PRKN: variants seen among roughly 807,000 people sequenced by gnomAD.
The protein encoded by PRKN is E3 ubiquitin-protein ligase parkin.
PRKN carries 56 observed loss-of-function variants against 59.5 expected under a neutral mutation model. The observed-to-expected ratio is 0.94, with a 90% CI of 0.76 to 1.18. PRKN has a LOEUF of 1.18. Ranked by LOEUF, PRKN falls within the 50% of genes most tolerant of loss-of-function variation. The pLI, the probability that PRKN is intolerant of heterozygous loss-of-function variation, is 0.00. For synonymous variants in PRKN, 250 were observed against 222.1 expected (o/e 1.13, Z -1.12); for missense variants, 657 against 596.4 (o/e 1.10, Z -1.06).
At chr6:162,716,786 G>GCGCACA (rs1554264971) in intron 1 of PRKN, among the ~76,000 whole-genome samples, 44 of 148,824 alleles carry the variant, frequency 3.0e-4, no homozygotes, top group South Asian at 4.3e-4. Flanking sequence ...ACACACACGC[G>GCGCACA]CACACACACA....
intron 4 of PRKN, among the ~76,000 whole-genome samples, chr6:162,089,942 T>C (rs6908394): frequency 0.35 from 53,578 of 152,062 alleles, 9,790 homozygotes; most frequent in Admixed American, 0.44. Flanking sequence ...CTTTTGGGAA[T>C]TATGGCAGTG....
At chr6:162,605,360 G>A (rs535814106) in intron 1 of PRKN, among the ~76,000 whole-genome samples, 124 of 152,108 alleles carry the variant, frequency 8.2e-4, no homozygotes, top group African/African-American at 2.6e-3. Context: ...AATGTTACTT[G>A]CCTAAGAGTT....
chr6:162,661,292 T>C (rs920946525), intron 1 of PRKN, among the ~76,000 whole-genome samples: 11 of 152,032 alleles, frequency 7.2e-5, no homozygotes, highest in African/African-American at 1.7e-4. Context: ...CAGGGAGCAA[T>C]TGGCCACCAC....
At chr6:161,716,644 T>G (rs1472368687) in intron 7 of PRKN, among the ~76,000 whole-genome samples, 3 of 152,186 alleles carry the variant, frequency 2.0e-5, no homozygotes, top group Non-Finnish European at 4.4e-5. Flanking sequence ...GCTATGTACT[T>G]AAGATATTTT....
chr6:161,858,686 G>A (rs1376991511), intron 6 of PRKN, among the ~76,000 whole-genome samples: 12 of 151,710 alleles, frequency 7.9e-5, no homozygotes, highest in African/African-American at 9.7e-5. Flanking sequence ...TCCCGTTGGC[G>A]GTGAGAATCC....
At chr6:161,885,431 G>A (rs5023205) in intron 6 of PRKN, among the ~76,000 whole-genome samples, 57,170 of 151,946 alleles carry the variant, frequency 0.38, 11,004 homozygotes, top group East Asian at 0.55. Context: ...TTGGGAGGCC[G>A]AGGCGGGCAG....
Position 162,333,253 on chromosome 6 carries a change from G to C in PRKN, c.172-70488C>G, listed in dbSNP as rs185862402. Among the ~76,000 whole-genome samples, 563 of 149,326 alleles carry C rather than the reference G, an allele frequency of 3.8e-3. 7 individuals are homozygous for C. The highest frequency in any genetic ancestry group is 0.013 in the African/African-American group (533 of 40,536). Reference sequence around the variant, plus strand: ...CTTTTTTTTTTTTTTTTTGAAACAGGGTCTCACTGTCCCTCAGGCTAGAGT... The same window carrying C: ...CTTTTTTTTTTTTTTTTTGAAACAGCGTCTCACTGTCCCTCAGGCTAGAGT... On this transcript the variant is annotated intron_variant, in intron 2 of 11. Coordinates refer to ENST00000366898, the MANE Select transcript of PRKN (RefSeq NM_004562.3).
chr6:162,240,969 T>G (rs1370115151), intron 3 of PRKN, among the ~76,000 whole-genome samples: 2 of 152,230 alleles, frequency 1.3e-5, no homozygotes, highest in Non-Finnish European at 2.9e-5. Context: ...AGAACTGCCC[T>G]GCCTCCATCT....
intron 11 of PRKN, among the ~76,000 whole-genome samples, chr6:161,351,615 G>T (rs1045811480): frequency 6.6e-6 from 1 of 152,034 alleles, no homozygotes; most frequent in South Asian, 2.1e-4. Flanking sequence ...GTGAGCTACC[G>T]CACCCAGCCA....
intron 9 of PRKN, among the ~76,000 whole-genome samples, chr6:161,469,595 G>C (rs1365419193): frequency 2.7e-5 from 4 of 145,522 alleles, no homozygotes; most frequent in Admixed American, 1.4e-4. Flanking sequence ...AAGAGAAAGA[G>C]AGAGAGATTG....
chr6:161,932,990 C>G (rs907293912), intron 6 of PRKN, among the ~76,000 whole-genome samples: 3 of 152,136 alleles, frequency 2.0e-5, no homozygotes, highest in Non-Finnish European at 4.4e-5. Flanking sequence ...TTTTAAATCA[C>G]TAAAACCAGC....
intron 9 of PRKN, among the ~76,000 whole-genome samples, chr6:161,469,825 A>AT (rs1215949391): frequency 1.3e-5 from 2 of 152,178 alleles, no homozygotes; most frequent in Non-Finnish European, 2.9e-5. Flanking sequence ...ATTTGTGATA[A>AT]TTTTTTACAG....
At chr6:161,970,290 C>T (rs1423461676) in intron 6 of PRKN, among the ~76,000 whole-genome samples, 1 of 151,888 alleles carries the variant, frequency 6.6e-6, no homozygotes, top group Non-Finnish European at 1.5e-5. Flanking sequence ...AATCTGCCTG[C>T]CTGGCCTCCC....
At chr6:161,615,011 T>C (rs576294414) in intron 7 of PRKN, among the ~76,000 whole-genome samples, 2 of 152,116 alleles carry the variant, frequency 1.3e-5, no homozygotes, top group South Asian at 2.1e-4. Flanking sequence ...ACACTGAAAC[T>C]GTATATTTCT....
intron 1 of PRKN, among the ~76,000 whole-genome samples, chr6:162,597,812 G>C (rs1171511952): frequency 6.6e-6 from 1 of 152,086 alleles, no homozygotes; most frequent in African/African-American, 2.4e-5. Flanking sequence ...AGTCCTTTCA[G>C]GTTACAAAGG....
chr6:162,574,404 T>C (rs1562399135), intron 1 of PRKN, among the ~76,000 whole-genome samples: 2 of 152,196 alleles, frequency 1.3e-5, no homozygotes, highest in Admixed American at 6.5e-5. Flanking sequence ...ATTTTGAGGT[T>C]ATGCTGCCCA....
intron 7 of PRKN, among the ~76,000 whole-genome samples, chr6:161,766,867 G>A (rs550272514): frequency 1.7e-4 from 26 of 152,150 alleles, no homozygotes; most frequent in Non-Finnish European, 2.6e-4. Context: ...AATAAAAGGT[G>A]GAGAGGGAAA....
intron 7 of PRKN, among the ~76,000 whole-genome samples, chr6:161,763,920 C>T (rs1789315240): frequency 6.6e-6 from 1 of 152,090 alleles, no homozygotes; most frequent in Non-Finnish European, 1.5e-5. Context: ...TCCTCTTGCC[C>T]CTTTGCAACC....
intron 1 of PRKN, among the ~76,000 whole-genome samples, chr6:162,486,371 T>C (rs905429217): frequency 2.0e-5 from 3 of 152,226 alleles, no homozygotes; most frequent in African/African-American, 7.2e-5. Context: ...TTAAAGGAAC[T>C]ACAGTTCTAC....
Sources: gnomAD v4.1 joint callset for allele counts (sites outside exome capture counted in the v4.1 genomes callset) on GRCh38, gnomAD v4.1.1 for gene constraint, MANE v1.5 for transcripts, NCBI Gene and HGNC (gene_info 2026-07-23, HGNC 2026-07-21) for gene names.